EIF2B4: variants seen among roughly 807,000 people sequenced by gnomAD.
EIF2B4 encodes the protein translation initiation factor eIF2B subunit delta.
A neutral mutation model predicts 66.7 loss-of-function variants in EIF2B4; 34 were observed. The ratio of observed to expected loss-of-function variants is 0.51; its 90% CI spans 0.39 to 0.68. The LOEUF (loss-of-function observed/expected upper bound fraction) is 0.68, where lower values mean the gene tolerates loss of function less well. Ranked by LOEUF, EIF2B4 falls within the 30% of genes least tolerant of loss-of-function variation. The pLI, the probability that EIF2B4 is intolerant of heterozygous loss-of-function variation, is 0.00. For missense variants in EIF2B4, 618 were observed against 657.9 expected (o/e 0.94, Z 0.66); for synonymous variants, 278 against 253.6 (o/e 1.10, Z -0.92).
At chr2:27,369,738 G>A (rs1241149539) in intron 2 of EIF2B4, 138 bp downstream of exon 2, 1 of 1,434,164 alleles carries the variant, frequency 7.0e-7, no homozygotes, top group East Asian at 2.4e-5. Context: ...TATATCCCTA[G>A]GGTTGCAAGA....
chr2:27,369,919 T>A lies in EIF2B4; in HGVS notation c.32A>T (p.Asp11Val). The A allele has an allele frequency of 6.3e-7, 1 of 1,582,614 alleles. No individual in the cohort carries two copies. Among genetic ancestry groups the A allele is most frequent in the Non-Finnish European group, 8.6e-7 (1 of 1,164,684 alleles). The change falls in exon 2 of 13, where the codon GAC (aspartate) becomes GTC (valine). Residue 11 changes from aspartate (D) to valine (V), a missense_variant and splice_region_variant. Around this residue, in one of 4 missense-constraint regions of EIF2B4, gnomAD observed 506 missense variants for 511.9 expected, o/e 0.99. Transcript: ENST00000347454. Reference protein sequence around the residue: MAAVAVAVREDSGSGMKAELP... With the variant: MAAVAVAVREVSGSGMKAELP... ...CTCCGCCTTCATCCCGGATCCCGAG[T>A]CTGCATCAGAAAACAGGGCACAAAG... is the stretch of plus-strand genomic sequence containing the variant.
Position 27,368,392 on chromosome 2 carries a change from GT to G in EIF2B4, c.569del (p.Asn190ThrfsTer3). ...FSHLPQYSRQ[N>X]SLTQFMSIPS... ...CCTACCTCATAAACTGGGTCAGAGAGTTTTGTCTGCTGTACTGGGGTAGGTG... is the reference window on the plus strand; with the variant it reads ...CCTACCTCATAAACTGGGTCAGAGAGTTTGTCTGCTGTACTGGGGTAGGTG... On this transcript the variant is annotated frameshift_variant, in exon 6 of 13. Coordinates refer to ENST00000347454, the MANE Select transcript of EIF2B4 (RefSeq NM_001034116.2). LOFTEE classifies it high-confidence loss of function. 1 of 1,613,974 alleles carries G rather than the reference GT, an allele frequency of 6.2e-7. No homozygotes were observed. The highest frequency in any genetic ancestry group is 8.5e-7 in the Non-Finnish European group (1 of 1,179,826).
chr2:27,368,984 T>A (rs774576919), intron 4 of EIF2B4, 22 bp downstream of exon 4: 1 of 1,613,656 alleles, frequency 6.2e-7, no homozygotes, highest in South Asian at 1.1e-5. Flanking sequence ...GTAAGGGAGG[T>A]CTTAAAATGA....
intron 11 of EIF2B4, chr2:27,365,865 G>A (rs1681808938): frequency 6.6e-6 from 1 of 151,918 alleles, no homozygotes; most frequent in Non-Finnish European, 1.5e-5. Flanking sequence ...CAATTAAATA[G>A]AAACAGAGCT....
At position 27,369,000 on chromosome 2, in the gene EIF2B4, A is replaced by G. The variant is rs367810151; in HGVS notation, c.418+6T>C. The G allele has an allele frequency of 1.2e-6, 2 of 1,613,982 alleles. No homozygotes were observed. Among genetic ancestry groups the G allele is most frequent in the African/African-American group, 2.7e-5 (2 of 74,892 alleles). On this transcript the variant is annotated splice_donor_region_variant and intron_variant, in intron 4 of 12. Transcript: ENST00000347454. The stretch of plus-strand genomic sequence containing the variant: ...TAAGGGAGGTCTTAAAATGAAGGGA[A>G]GATACCTGAGGGGGTTTCTCCAGCT...
intron 7 of EIF2B4, 60 bp from the exon 8 acceptor site, chr2:27,367,882 C>T: frequency 6.4e-7 from 1 of 1,562,024 alleles, no homozygotes; most frequent in South Asian, 1.1e-5. Flanking sequence ...TGAACGGGGG[C>T]TGGGGGTAAG....
chr2:27,368,397 G>A lies in EIF2B4; in HGVS notation c.565C>T (p.Gln189Ter). The stretch of plus-strand genomic sequence containing the variant: ...CTCATAAACTGGGTCAGAGAGTTTT[G>A]TCTGCTGTACTGGGGTAGGTGAGAG... Reference protein sequence around the residue: ...LFSHLPQYSRQNSLTQFMSIP... With the variant: ...LFSHLPQYSR The change falls in exon 6 of 13, where the codon CAA becomes TAA. Residue 189 changes from glutamine (Q) to a stop codon, truncating the protein, a stop_gained. Transcript: ENST00000347454. LOFTEE classifies it high-confidence loss of function. 1.2e-6 allele frequency: 2 copies of A among 1,614,036 alleles called. No individual in the cohort carries two copies. Among genetic ancestry groups the A allele is most frequent in the Non-Finnish European group, 1.7e-6 (2 of 1,179,898 alleles).
chr2:27,368,740 GATAATC>G lies in EIF2B4; in HGVS notation c.419-13_419-8del, dbSNP rs1558293251. 1 of 1,613,816 alleles carries G rather than the reference GATAATC, an allele frequency of 6.2e-7. No homozygotes were observed. On this transcript the variant is annotated splice_polypyrimidine_tract_variant and splice_region_variant and intron_variant, in intron 4 of 12. Coordinates refer to ENST00000347454, the MANE Select transcript of EIF2B4 (RefSeq NM_001034116.2). ...TCAGGGAGACGCTTCACTCCTGAAA[GATAATC>G]ATCATGTTTTCAGGACACTGTAGGT...
intron 7 of EIF2B4, 73 bp downstream of exon 7, chr2:27,367,952 T>C (rs1681987258): frequency 6.7e-7 from 1 of 1,484,038 alleles, no homozygotes; most frequent in South Asian, 1.2e-5. Flanking sequence ...AGAGATGACC[T>C]TGGGTGACAG....
intron 11 of EIF2B4, 34 bp downstream of exon 11, chr2:27,366,725 C>T (rs199942945): frequency 2.7e-5 from 44 of 1,613,212 alleles, no homozygotes; most frequent in African/African-American, 2.0e-4. Context: ...ACCTTTTCAC[C>T]GCCAACTTTG....
intron 2 of EIF2B4, 75 bp from the exon 3 acceptor site, chr2:27,369,624 G>C: frequency 6.2e-7 from 1 of 1,608,412 alleles, no homozygotes; most frequent in Non-Finnish European, 8.5e-7. Context: ...ATGCTTACAA[G>C]ATTTCCACAT....
At chr2:27,370,257 A>C in intron 1 of EIF2B4, 27 bp downstream of exon 1, 2 of 1,547,622 alleles carry the variant, frequency 1.3e-6, no homozygotes, top group South Asian at 1.2e-5. Flanking sequence ...TCCGCGTACC[A>C]GTAGGCAGGC....
At chr2:27,369,708 C>G in intron 2 of EIF2B4, 159 bp from the exon 3 acceptor site, 1 of 1,478,400 alleles carries the variant, frequency 6.8e-7, no homozygotes, top group Non-Finnish European at 9.4e-7. Flanking sequence ...GCTGACGTTT[C>G]TCCTCCAGGG....
rs1264917844 is a variant in EIF2B4, at chr2:27,369,452, G to A, written c.173C>T (p.Pro58Leu). 6.2e-7 allele frequency: 1 copy of A among 1,614,040 alleles called. No individual in the cohort carries two copies. The highest frequency in any genetic ancestry group is 8.5e-7 in the Non-Finnish European group (1 of 1,180,018). Residue 58 changes from proline (P) to leucine (L), a missense_variant, in exon 3 of 13, where the codon CCA becomes CTA. Physicochemically the swap from Pro to Leu is moderately conservative, Grantham distance 98 (BLOSUM62 -3). This residue lies in a region of EIF2B4 where 506 missense variants were observed against 511.9 expected (regional missense o/e 0.99). Transcript: ENST00000347454. Reference sequence around the variant, plus strand: ...TGCAGATACAGCAGAGCCAGTCTCTGGTTCTGCCCCCTTTTCTTCCTTCCG... The same window carrying A: ...TGCAGATACAGCAGAGCCAGTCTCTAGTTCTGCCCCCTTTTCTTCCTTCCG... ...KKRKEEKGAE[P>L]ETGSAVSAAQ...
intron 11 of EIF2B4, 163 bp from the exon 12 acceptor site, chr2:27,365,061 T>C: frequency 1.3e-6 from 1 of 752,716 alleles, no homozygotes; most frequent in South Asian, 1.8e-5. Flanking sequence ...AAATCTTTTT[T>C]TTTTTTTTCT....
chr2:27,369,560 G>C lies in EIF2B4; in HGVS notation c.76-11C>G. On this transcript the variant is annotated splice_polypyrimidine_tract_variant and intron_variant, in intron 2 of 12. Coordinates refer to ENST00000347454, the MANE Select transcript of EIF2B4 (RefSeq NM_001034116.2). Reference sequence around the variant, plus strand: ...TTCCCTCCCCACTGCCTGAGACACAGACATAGGATACTGCTCTTCCCCAAC... The same window carrying C: ...TTCCCTCCCCACTGCCTGAGACACACACATAGGATACTGCTCTTCCCCAAC... The C allele has an allele frequency of 1.9e-6, 3 of 1,614,094 alleles. No homozygotes were observed. Among genetic ancestry groups the C allele is most frequent in the Non-Finnish European group, 2.5e-6 (3 of 1,180,038 alleles).
Position 27,366,929 on chromosome 2 carries a change from G to C in EIF2B4, c.1021C>G (p.Leu341Val), listed in dbSNP as rs145468921. ...DVILVYGCSS[L>V]VSRILQEAWT... ...GCCTCCTGAAGAATTCGTGATACCA[G>C]AGATGAGCTAGAGTGAATGAAGAGG... The change falls in exon 11 of 13, where the codon CTG (leucine) becomes GTG (valine). Residue 341 changes from leucine to valine, a missense_variant. Coordinates refer to ENST00000347454, the MANE Select transcript of EIF2B4 (RefSeq NM_001034116.2). 3.1e-6 allele frequency: 5 copies of C among 1,614,174 alleles called. No individual in the cohort carries two copies. Among genetic ancestry groups the C allele is most frequent in the Non-Finnish European group, 4.2e-6 (5 of 1,180,042 alleles).
At chr2:27,368,934 T>C (rs1241864487) in intron 4 of EIF2B4, 72 bp downstream of exon 4, 1 of 1,584,318 alleles carries the variant, frequency 6.3e-7, no homozygotes, top group African/African-American at 1.3e-5. Flanking sequence ...GGGAGAGCTG[T>C]TTTACTATTG....
chr2:27,367,627 A>G, intron 8 of EIF2B4, 68 bp from the exon 9 acceptor site: 4 of 1,601,798 alleles, frequency 2.5e-6, no homozygotes, highest in African/African-American at 1.3e-5. Flanking sequence ...TCACATTTAA[A>G]AAAAAAGTCT....
Sources: allele counts gnomAD v4.1 joint callset, GRCh38; gene constraint gnomAD v4.1.1; regional missense constraint gnomAD v4.1.1; transcripts MANE v1.5; gene names NCBI Gene and HGNC (gene_info 2026-07-23, HGNC 2026-07-21).